The following NDUFAF2 variants were observed in gnomAD, a reference collection of about 807,000 sequenced individuals.
NDUFAF2 encodes the protein NADH:ubiquinone oxidoreductase complex assembly factor 2.
A neutral mutation model predicts 22.8 loss-of-function variants in NDUFAF2; 13 were observed. That is an observed-to-expected ratio of 0.57 (90% CI 0.37 to 0.91). NDUFAF2 has a LOEUF of 0.91. NDUFAF2 is among the 40% of genes least tolerant of loss of function. The probability of loss-of-function intolerance (pLI) is 0.01; values close to 1 mark genes in which losing one functional copy is unlikely to be tolerated. For missense variants in NDUFAF2, 162 were observed against 195.2 expected (o/e 0.83, Z 1.01); for synonymous variants, 53 against 64.2 (o/e 0.83, Z 0.84).
At chr5:61,055,404 T>C (rs977009137) in intron 1 of NDUFAF2, among the ~76,000 whole-genome samples, 1 of 152,212 alleles carries the variant, frequency 6.6e-6, no homozygotes, top group African/African-American at 2.4e-5. Flanking sequence ...AGTGGTAAAG[T>C]AACTCTACAG....
intron 1 of NDUFAF2, among the ~76,000 whole-genome samples, chr5:61,018,344 G>A (rs531547355): frequency 6.6e-6 from 1 of 152,104 alleles, no homozygotes; most frequent in African/African-American, 2.4e-5. Context: ...TGTTGATTGT[G>A]CTTAAGGAAG....
chr5:61,043,573 C>A (rs1383521557), intron 1 of NDUFAF2, among the ~76,000 whole-genome samples: 1 of 151,964 alleles, frequency 6.6e-6, no homozygotes, highest in African/African-American at 2.4e-5. Flanking sequence ...TAAGTGAGAT[C>A]TTGTGATATT....
intron 1 of NDUFAF2, among the ~76,000 whole-genome samples, chr5:61,006,876 G>C (rs1561540269): frequency 1.3e-5 from 2 of 152,162 alleles, no homozygotes; most frequent in African/African-American, 2.4e-5. Context: ...TGAATAACCA[G>C]AGCTTCCAAA....
intron 1 of NDUFAF2, among the ~76,000 whole-genome samples, chr5:60,976,009 A>G (rs1452347079): frequency 6.6e-6 from 1 of 152,204 alleles, no homozygotes; most frequent in East Asian, 1.9e-4. Context: ...TATGAGCAGG[A>G]TGAAGATGAT....
At chr5:61,045,962 G>A (rs959191188) in intron 1 of NDUFAF2, among the ~76,000 whole-genome samples, 2 of 152,036 alleles carry the variant, frequency 1.3e-5, no homozygotes. Context: ...TGTCATATAT[G>A]GCCTTATTGT....
intron 1 of NDUFAF2, among the ~76,000 whole-genome samples, chr5:60,974,805 G>A (rs1750880632): frequency 6.6e-6 from 1 of 151,706 alleles, no homozygotes; most frequent in Non-Finnish European, 1.5e-5. Context: ...TTGTTTGTTT[G>A]TTTATTTGTT....
intron 1 of NDUFAF2, among the ~76,000 whole-genome samples, chr5:60,978,942 G>A (rs1161752957): frequency 6.6e-6 from 1 of 152,236 alleles, no homozygotes; most frequent in East Asian, 1.9e-4. Context: ...GCGTAAACAC[G>A]ACTTTGTTCT....
chr5:60,979,794 G>T (rs1401579859), intron 1 of NDUFAF2, among the ~76,000 whole-genome samples: 1 of 152,176 alleles, frequency 6.6e-6, no homozygotes, highest in Non-Finnish European at 1.5e-5. Flanking sequence ...CCTGCTGATT[G>T]TAGAGCCCTT....
At chr5:60,952,917 A>C (rs1398024396) in intron 1 of NDUFAF2, among the ~76,000 whole-genome samples, 1 of 152,108 alleles carries the variant, frequency 6.6e-6, no homozygotes, top group East Asian at 1.9e-4. Context: ...AATACAAATT[A>C]CCCAAAATAA....
intron 1 of NDUFAF2, among the ~76,000 whole-genome samples, chr5:61,022,031 G>C (rs1056496686): frequency 6.1e-4 from 93 of 152,280 alleles, no homozygotes; most frequent in African/African-American, 2.2e-3. Flanking sequence ...GCCTTCAATT[G>C]GTTGGATGAA....
At chr5:61,086,794 A>G (rs1323544032) in intron 2 of NDUFAF2, among the ~76,000 whole-genome samples, 3 of 152,186 alleles carry the variant, frequency 2.0e-5, no homozygotes, top group Non-Finnish European at 4.4e-5. Context: ...AATTTTACAG[A>G]TTCTTATTTT....
chr5:61,045,779 CA>C (rs1169613848), intron 1 of NDUFAF2, among the ~76,000 whole-genome samples: 4 of 152,120 alleles, frequency 2.6e-5, no homozygotes, highest in African/African-American at 9.7e-5. Context: ...GACAATTTAA[CA>C]TCTTCCTTTC....
chr5:60,986,683 C>T (rs566985217), intron 1 of NDUFAF2, among the ~76,000 whole-genome samples: 15 of 152,158 alleles, frequency 9.9e-5, no homozygotes, highest in African/African-American at 2.9e-4. Context: ...ATAATCCCAG[C>T]GCTTTGGGAG....
intron 3 of NDUFAF2, among the ~76,000 whole-genome samples, chr5:61,127,134 G>A (rs901373679): frequency 2.6e-5 from 4 of 152,040 alleles, no homozygotes; most frequent in Admixed American, 1.3e-4. Context: ...TGAAATTGAG[G>A]CAATAATTAA....
chr5:61,053,989 G>C (rs760034136), intron 1 of NDUFAF2, among the ~76,000 whole-genome samples: 1 of 152,048 alleles, frequency 6.6e-6, no homozygotes, highest in Admixed American at 6.5e-5. Flanking sequence ...GATCACTTGA[G>C]GCCAGGATCA....
At position 61,017,187 on chromosome 5, in the gene NDUFAF2, C is replaced by T. The variant is rs116751627; in HGVS notation, c.128-55938C>T. On this transcript the variant is annotated intron_variant, in intron 1 of 3. Transcript: ENST00000296597. ...AAGTTCTAAAATAACTGATTATGTC[C>T]TAATAAGATGATTTTGGAATAAGAC... 7.2e-3 allele frequency among the ~76,000 whole-genome samples: 1,098 copies of T among 152,212 alleles called. 10 individuals carry two copies. Among genetic ancestry groups the T allele is most frequent in the African/African-American group, 0.025 (1,057 of 41,528 alleles).
intron 1 of NDUFAF2, among the ~76,000 whole-genome samples, chr5:61,058,970 T>C (rs1480824329): frequency 1.3e-5 from 2 of 152,042 alleles, no homozygotes; most frequent in African/African-American, 4.8e-5. Flanking sequence ...TTGTAACTGC[T>C]TTTTCAGCAG....
chr5:61,015,633 T>C (rs889867019), intron 1 of NDUFAF2, among the ~76,000 whole-genome samples: 1 of 152,208 alleles, frequency 6.6e-6, no homozygotes, highest in African/African-American at 2.4e-5. Context: ...ACTTAATGAT[T>C]GTTGAAATAT....
Position 61,051,835 on chromosome 5 carries a change from T to C in NDUFAF2, c.128-21290T>C, listed in dbSNP as rs113340059. On this transcript the variant is annotated intron_variant, in intron 1 of 3. Coordinates refer to ENST00000296597, the MANE Select transcript of NDUFAF2 (RefSeq NM_174889.5). Reference sequence around the variant, plus strand: ...AGGGTGGGGAAAAAGTAGAACCAGATATGAGGCACTAATATAAACTCTGAT... The same window carrying C: ...AGGGTGGGGAAAAAGTAGAACCAGACATGAGGCACTAATATAAACTCTGAT... 2.5e-3 allele frequency among the ~76,000 whole-genome samples: 373 copies of C among 152,188 alleles called. 8 individuals are homozygous for C. The highest frequency in any genetic ancestry group is 8.7e-3 in the African/African-American group (362 of 41,518).
Sources: allele counts gnomAD v4.1 joint callset (sites outside exome capture counted in the v4.1 genomes callset), GRCh38; gene constraint gnomAD v4.1.1; transcripts MANE v1.5; gene names NCBI Gene and HGNC (gene_info 2026-07-23, HGNC 2026-07-21).